Variants in ZNF609 observed in about 807,000 individuals in gnomAD.
The protein encoded by ZNF609 is zinc finger protein 609.
ZNF609 carries 11 observed loss-of-function variants against 109.5 expected under a neutral mutation model. The ratio of observed to expected loss-of-function variants is 0.10; its 90% CI spans 0.06 to 0.17. The LOEUF is 0.17. ZNF609 is among the 10% of genes least tolerant of loss of function. The pLI, the probability that ZNF609 is intolerant of heterozygous loss-of-function variation, is 1.00. For missense variants in ZNF609, 1,559 were observed against 1,772.4 expected, an observed-to-expected ratio of 0.88 and a Z score of 2.16; for synonymous variants, 646 against 662.0, an observed-to-expected ratio of 0.98 and a Z score of 0.37.
chr15:64,509,440 C>T (rs192013656), intron 2 of ZNF609, among the ~76,000 whole-genome samples: 12 of 152,282 alleles, frequency 7.9e-5, no homozygotes, highest in Admixed American at 5.9e-4. Context: ...TGTTACTGTT[C>T]TTAGCTTTGA....
chr15:64,588,886 C>T (rs914645164), intron 2 of ZNF609, among the ~76,000 whole-genome samples: 1 of 152,100 alleles, frequency 6.6e-6, no homozygotes, highest in Admixed American at 6.6e-5. Flanking sequence ...TCGGGTTATC[C>T]ACCTGCCTCA....
At chr15:64,613,049 T>G (rs960600662) in intron 2 of ZNF609, among the ~76,000 whole-genome samples, 24 of 152,074 alleles carry the variant, frequency 1.6e-4, no homozygotes, top group Non-Finnish European at 3.4e-4. Flanking sequence ...AGGCCAGGCA[T>G]GGTGGGTCAC....
intron 3 of ZNF609, among the ~76,000 whole-genome samples, chr15:64,627,805 C>T (rs1595744642): frequency 6.6e-6 from 1 of 150,442 alleles, no homozygotes; most frequent in Middle Eastern, 3.5e-3. Flanking sequence ...GTAGCTGAGA[C>T]TACAGGCATG....
rs866467875 is a variant in ZNF609 at position 64,499,577 on chromosome 15, G to A, written c.158G>A (p.Gly53Asp). The stretch of plus-strand genomic sequence containing the variant: ...GACCAGCAGAAACTGGAAATGTCAG[G>A]CTCAAAGGAGGTGGGGATACCGGCT... The part of the protein sequence containing the change: ...EKDQQKLEMS[G>D]SKEVGIPAPN... Residue 53 changes from glycine to aspartate, a missense_variant, in exon 2 of 10, where the codon GGC (glycine) becomes GAC (aspartate). This residue lies in a region of ZNF609 where 291 missense variants were observed against 317.8 expected (regional missense o/e 0.92). Transcript: ENST00000326648. 4.9e-5 allele frequency: 79 copies of A among 1,614,056 alleles called. No homozygotes were observed. Among genetic ancestry groups the A allele is most frequent in the Non-Finnish European group, 6.4e-5 (76 of 1,180,034 alleles).
chr15:64,652,737 T>C (rs979146760), intron 3 of ZNF609, among the ~76,000 whole-genome samples: 2 of 152,130 alleles, frequency 1.3e-5, no homozygotes, highest in African/African-American at 4.8e-5. Context: ...CTCACTGCGT[T>C]TTCCAGGCTG....
intron 2 of ZNF609, among the ~76,000 whole-genome samples, chr15:64,570,967 A>G (rs770782256): frequency 3.4e-4 from 51 of 152,196 alleles, no homozygotes; most frequent in Non-Finnish European, 6.0e-4. Flanking sequence ...CGGAAGTTGC[A>G]GTGAGCCGGG....
At chr15:64,573,056 G>A (rs1391446982) in intron 2 of ZNF609, among the ~76,000 whole-genome samples, 1 of 152,130 alleles carries the variant, frequency 6.6e-6, no homozygotes, top group African/African-American at 2.4e-5. Context: ...ACCATTACAT[G>A]GCAGTCCTAG....
chr15:64,598,405 C>T (rs560097696), intron 2 of ZNF609, among the ~76,000 whole-genome samples: 1 of 152,180 alleles, frequency 6.6e-6, no homozygotes, highest in African/African-American at 2.4e-5. Context: ...CATGAGACAC[C>T]ACATCCAGCC....
At chr15:64,538,734 C>T (rs1303905073) in intron 2 of ZNF609, among the ~76,000 whole-genome samples, 4 of 151,692 alleles carry the variant, frequency 2.6e-5, no homozygotes, top group Non-Finnish European at 5.9e-5. Flanking sequence ...TTAGTAGAGA[C>T]GGGGTTTCTC....
At chr15:64,571,645 A>C (rs1242200544) in intron 2 of ZNF609, among the ~76,000 whole-genome samples, 1 of 152,098 alleles carries the variant, frequency 6.6e-6, no homozygotes. Context: ...ACAGGATTCA[A>C]ACTCTCTAGT....
At chr15:64,609,064 TTTTCTTTCTTTC>T (rs3057833) in intron 2 of ZNF609, among the ~76,000 whole-genome samples, 376 of 119,128 alleles carry the variant, frequency 3.2e-3, no homozygotes, top group South Asian at 0.011. Flanking sequence ...TAGTTTTAAT[TTTTCTTTCTTTC>T]TTTCTTTCTT....
chr15:64,606,432 C>T (rs886954082), intron 2 of ZNF609, among the ~76,000 whole-genome samples: 8 of 151,180 alleles, frequency 5.3e-5, no homozygotes, highest in East Asian at 2.0e-4. Context: ...TAGTAGCAGG[C>T]GCCTGTAATC....
chr15:64,609,211 C>T (rs1014663957), intron 2 of ZNF609, among the ~76,000 whole-genome samples: 6 of 146,824 alleles, frequency 4.1e-5, no homozygotes, highest in Middle Eastern at 3.2e-3. Context: ...TACTTTCTTT[C>T]TTATCACTCT....
At chr15:64,590,632 A>G (rs1014108938) in intron 2 of ZNF609, among the ~76,000 whole-genome samples, 54 of 150,454 alleles carry the variant, frequency 3.6e-4, no homozygotes, top group Non-Finnish European at 2.7e-4. Flanking sequence ...TAGAAAATAT[A>G]TATTTATTTT....
intron 3 of ZNF609, among the ~76,000 whole-genome samples, chr15:64,645,933 G>A (rs1896327886): frequency 6.6e-6 from 1 of 152,098 alleles, no homozygotes; most frequent in Non-Finnish European, 1.5e-5. Flanking sequence ...ACTGTTGGTT[G>A]GAACATAAAA....
intron 5 of ZNF609, among the ~76,000 whole-genome samples, chr15:64,677,419 C>G (rs1896824639): frequency 6.6e-6 from 1 of 152,130 alleles, no homozygotes; most frequent in African/African-American, 2.4e-5. Flanking sequence ...GACAAGTTAG[C>G]TTAATTTGTC....
intron 2 of ZNF609, among the ~76,000 whole-genome samples, chr15:64,603,129 C>T (rs1271794916): frequency 2.0e-5 from 3 of 151,888 alleles, no homozygotes; most frequent in African/African-American, 4.8e-5. Context: ...CTTGCTTTCT[C>T]GCTTTTATTC....
chr15:64,539,476 G>A (rs1489659940), intron 2 of ZNF609, among the ~76,000 whole-genome samples: 1 of 149,884 alleles, frequency 6.7e-6, no homozygotes, highest in South Asian at 2.1e-4. Context: ...CCAAGTGCTG[G>A]GATTACAGGC....
At chr15:64,588,781 G>C (rs963496828) in intron 2 of ZNF609, among the ~76,000 whole-genome samples, 1 of 151,882 alleles carries the variant, frequency 6.6e-6, no homozygotes, top group African/African-American at 2.4e-5. Flanking sequence ...TGGGATTACA[G>C]GCATGTGTCA....
Sources: gnomAD v4.1 joint callset for allele counts (sites outside exome capture counted in the v4.1 genomes callset) on GRCh38, gnomAD v4.1.1 for gene constraint, gnomAD v4.1.1 regional missense constraint, MANE v1.5 for transcripts, NCBI Gene and HGNC (gene_info 2026-07-23, HGNC 2026-07-21) for gene names.